Variants in PCDHA8 observed in about 807,000 individuals in gnomAD.
PCDHA8 encodes protocadherin alpha 8, also known as protocadherin alpha-8.
PCDHA8 carries 53 observed loss-of-function variants against 61.8 expected under a neutral mutation model. That is an observed-to-expected ratio of 0.86 (90% CI 0.69 to 1.08). PCDHA8 has a LOEUF of 1.08. PCDHA8 is among the 50% of genes least tolerant of loss of function. The probability of loss-of-function intolerance (pLI) is 0.00; values close to 1 mark genes in which losing one functional copy is unlikely to be tolerated. For synonymous variants in PCDHA8, 618 were observed against 556.6 expected (o/e 1.11, Z -1.55); for missense variants, 1,293 against 1,245.0 (o/e 1.04, Z -0.58).
Position 140,842,602 on chromosome 5 carries a change from G to C in PCDHA8, c.1281G>C (p.Ala427=). 1 of 1,547,148 alleles carries C rather than the reference G, an allele frequency of 6.5e-7. No homozygotes were observed. Among genetic ancestry groups the C allele is most frequent in the Non-Finnish European group, 8.8e-7 (1 of 1,134,878 alleles). ...CGGCCTATGAGTTGGTGGTAACCGC[G>C]CGGGACGGGGGCTCGCCTTCGCTGT... is the stretch of plus-strand genomic sequence containing the variant. ...RVSAYELVVT[A]RDGGSPSLWA... The change falls in exon 1 of 4, where the codon GCG becomes GCC. Residue 427 remains alanine, a synonymous_variant. Coordinates refer to ENST00000531613, the MANE Select transcript of PCDHA8 (RefSeq NM_018911.3).
intron 1 of PCDHA8, chr5:140,877,310 C>G (rs371801888): frequency 6.2e-7 from 1 of 1,613,938 alleles, no homozygotes; most frequent in Non-Finnish European, 8.5e-7. Flanking sequence ...GAGTTGCAAC[C>G]GGCGGCGGTC....
At chr5:140,908,248 C>G (rs2073877594) in intron 1 of PCDHA8, among the ~76,000 whole-genome samples, 2 of 152,154 alleles carry the variant, frequency 1.3e-5, no homozygotes, top group South Asian at 4.1e-4. Context: ...TCCTCATCAA[C>G]TGATCATAGG....
chr5:140,884,961 C>A (rs1454276450), intron 1 of PCDHA8, among the ~76,000 whole-genome samples: 1 of 152,126 alleles, frequency 6.6e-6, no homozygotes, highest in Non-Finnish European at 1.5e-5. Context: ...AAATTCCTCA[C>A]GTTGTGAGAA....
rs782023174 is a variant in PCDHA8 at position 140,870,968 on chromosome 5, G to A, written c.2394+27253G>A. 39 of 1,613,492 alleles carry A rather than the reference G, an allele frequency of 2.4e-5. No homozygotes were observed. Among genetic ancestry groups the A allele is most frequent in the Admixed American group, 2.2e-4 (13 of 59,998 alleles). ...GCGGGCGGCTCGCGCATCCCGTTCC[G>A]CGTGGGGCTGTACACGGGCGAGATA... On this transcript the variant is annotated intron_variant, in intron 1 of 3. Transcript: ENST00000531613.
At chr5:140,898,720 T>C (rs1343662110) in intron 1 of PCDHA8, among the ~76,000 whole-genome samples, 5 of 152,214 alleles carry the variant, frequency 3.3e-5, no homozygotes, top group African/African-American at 4.8e-5. Flanking sequence ...TTTCCAATTC[T>C]GTGAAGAAAG....
intron 1 of PCDHA8, chr5:140,850,039 G>A (rs1554143677): frequency 1.3e-6 from 2 of 1,596,568 alleles, no homozygotes; most frequent in African/African-American, 2.7e-5. Flanking sequence ...GCGGAGAGCG[G>A]CAAGGTGTAC....
At chr5:140,940,245 T>A (rs1262681154) in intron 1 of PCDHA8, among the ~76,000 whole-genome samples, 1 of 152,210 alleles carries the variant, frequency 6.6e-6, no homozygotes, top group Non-Finnish European at 1.5e-5. Flanking sequence ...TAAAGTTACC[T>A]CCTCAATATC....
intron 1 of PCDHA8, among the ~76,000 whole-genome samples, chr5:140,925,358 C>A (rs1554202714): frequency 8.5e-5 from 13 of 152,094 alleles, no homozygotes; most frequent in Non-Finnish European, 1.9e-4. Flanking sequence ...GAATTTAGTG[C>A]TTCATAGTCA....
intron 1 of PCDHA8, chr5:140,883,205 A>C: frequency 6.2e-7 from 1 of 1,614,036 alleles, no homozygotes; most frequent in Non-Finnish European, 8.5e-7. Flanking sequence ...TTTCGAAGAA[A>C]AGAAATTATA....
intron 1 of PCDHA8, among the ~76,000 whole-genome samples, chr5:140,892,875 G>A (rs1041608064): frequency 1.3e-5 from 2 of 152,022 alleles, no homozygotes; most frequent in Non-Finnish European, 2.9e-5. Flanking sequence ...CTATAATTTC[G>A]TATCCATTAA....
intron 3 of PCDHA8, among the ~76,000 whole-genome samples, chr5:140,996,041 C>T (rs2097709262): frequency 6.6e-6 from 1 of 152,224 alleles, no homozygotes; most frequent in African/African-American, 2.4e-5. Context: ...TAGCACTTAA[C>T]ACAGTGCTTG....
chr5:140,854,948 T>C (rs1417243571), intron 1 of PCDHA8, among the ~76,000 whole-genome samples: 4 of 150,034 alleles, frequency 2.7e-5, no homozygotes, highest in Middle Eastern at 3.5e-3. Flanking sequence ...AATAATAAAT[T>C]TCTTAATTAC....
chr5:140,878,567 G>T (rs562054144), intron 1 of PCDHA8, among the ~76,000 whole-genome samples: 1 of 152,268 alleles, frequency 6.6e-6, no homozygotes, highest in Non-Finnish European at 1.5e-5. Flanking sequence ...ACTTATCATA[G>T]TATACCACTG....
intron 1 of PCDHA8, chr5:140,862,642 G>A: frequency 1.8e-6 from 1 of 540,964 alleles, no homozygotes; most frequent in South Asian, 1.4e-5. Context: ...CGACTTCACA[G>A]TGTCCGCGCG....
intron 3 of PCDHA8, among the ~76,000 whole-genome samples, chr5:141,000,510 C>G (rs1197965439): frequency 5.6e-5 from 8 of 143,864 alleles, no homozygotes; most frequent in South Asian, 4.5e-4. Context: ...TCACTGCAAC[C>G]TCCTTCTCCA....
At chr5:140,850,939 G>T in intron 1 of PCDHA8, 1 of 1,506,026 alleles carries the variant, frequency 6.6e-7, no homozygotes, top group Non-Finnish European at 8.9e-7. Context: ...TTTCTTGAAA[G>T]ATATTATCGA....
intron 1 of PCDHA8, chr5:140,967,260 C>G: frequency 6.2e-7 from 1 of 1,613,500 alleles, no homozygotes; most frequent in Non-Finnish European, 8.5e-7. Flanking sequence ...GCGCCTGGAG[C>G]GCGCTTTCAC....
chr5:140,876,920 A>G (rs782247870), intron 1 of PCDHA8: 1 of 1,613,928 alleles, frequency 6.2e-7, no homozygotes, highest in Non-Finnish European at 8.5e-7. Context: ...TGGGACGCGG[A>G]CGCGCAGAAG....
At chr5:140,883,165 T>C in intron 1 of PCDHA8, 1 of 1,613,752 alleles carries the variant, frequency 6.2e-7, no homozygotes, top group Non-Finnish European at 8.5e-7. Context: ...ATCCGAACAA[T>C]GGAGAAATTA....
Sources: gnomAD v4.1 joint callset for allele counts (sites outside exome capture counted in the v4.1 genomes callset) on GRCh38, gnomAD v4.1.1 for gene constraint, MANE v1.5 for transcripts, NCBI Gene and HGNC (gene_info 2026-07-23, HGNC 2026-07-21) for gene names.